TMEM131L: variants seen among roughly 807,000 people sequenced by gnomAD.
The protein encoded by TMEM131L is transmembrane protein 131-like.
TMEM131L carries 54 observed loss-of-function variants against 192.2 expected under a neutral mutation model. That is an observed-to-expected ratio of 0.28 (90% CI 0.23 to 0.35). The LOEUF (loss-of-function observed/expected upper bound fraction) is 0.35. Among genes scored for constraint, TMEM131L ranks in the 10% least tolerant of loss-of-function variants. TMEM131L has a pLI of 1.00. For synonymous variants in TMEM131L, 701 were observed against 704.9 expected (o/e 0.99, Z 0.09); for missense variants, 1,888 against 1,972.9 (o/e 0.96, Z 0.82).
At chr4:153,549,546 G>A (rs1737450830) in intron 3 of TMEM131L, among the ~76,000 whole-genome samples, 2 of 152,142 alleles carry the variant, frequency 1.3e-5, no homozygotes, top group Admixed American at 1.3e-4. Flanking sequence ...TGACTATGAA[G>A]GAAAATGAAA....
intron 13 of TMEM131L, 74 bp from the exon 14 acceptor site, chr4:153,586,126 GAATGTTAGC>G: frequency 9.9e-7 from 1 of 1,008,878 alleles, no homozygotes; most frequent in East Asian, 2.8e-5. Flanking sequence ...AAGTATAGAA[GAATGTTAGC>G]ATCATACTTT....
At chr4:153,475,833 G>A (rs2149757214) in intron 3 of TMEM131L, among the ~76,000 whole-genome samples, 2 of 152,260 alleles carry the variant, frequency 1.3e-5, no homozygotes, top group Non-Finnish European at 2.9e-5. Context: ...GATGTGCATA[G>A]GTTATATGCA....
At chr4:153,526,114 C>T (rs1580137004) in intron 3 of TMEM131L, among the ~76,000 whole-genome samples, 1 of 152,130 alleles carries the variant, frequency 6.6e-6, no homozygotes, top group Admixed American at 6.5e-5. Context: ...ACCTCGGTCT[C>T]CCAAAGTACT....
chr4:153,486,666 C>G (rs1049723984), intron 3 of TMEM131L, among the ~76,000 whole-genome samples: 3 of 152,178 alleles, frequency 2.0e-5, no homozygotes, highest in African/African-American at 7.2e-5. Context: ...CCTGAACATC[C>G]AAAGGCAGGT....
intron 3 of TMEM131L, among the ~76,000 whole-genome samples, chr4:153,474,532 A>G (rs1731390692): frequency 6.6e-6 from 1 of 152,206 alleles, no homozygotes; most frequent in Admixed American, 6.5e-5. Flanking sequence ...GTCCTTTAGA[A>G]GTCGCAGTAA....
At position 153,601,538 on chromosome 4, in the gene TMEM131L, A is replaced by C. The variant is rs142810724; in HGVS notation, c.2267-614A>C. On this transcript the variant is annotated intron_variant, in intron 21 of 34. Coordinates refer to ENST00000409959, the MANE Select transcript of TMEM131L (RefSeq NM_001131007.2). ...TGAGACCCTGTGTCTAAAACAAACA[A>C]ACACCTGTAGAACCAGATAAAATAT... Among the ~76,000 whole-genome samples, 381 of 152,332 alleles carry C rather than the reference A, an allele frequency of 2.5e-3. 2 individuals carry two copies. Among genetic ancestry groups the C allele is most frequent in the African/African-American group, 8.6e-3 (357 of 41,570 alleles).
At chr4:153,480,061 T>C (rs894697371) in intron 3 of TMEM131L, among the ~76,000 whole-genome samples, 1 of 152,026 alleles carries the variant, frequency 6.6e-6, no homozygotes, top group South Asian at 2.1e-4. Flanking sequence ...AAAAATAGGC[T>C]GGGCGCGGTG....
At chr4:153,486,950 G>A (rs1321564659) in intron 3 of TMEM131L, among the ~76,000 whole-genome samples, 1 of 152,226 alleles carries the variant, frequency 6.6e-6, no homozygotes, top group Admixed American at 6.5e-5. Flanking sequence ...AGCGAGAAAT[G>A]AGCGGTCTAG....
At chr4:153,540,036 G>A (rs528113664) in intron 3 of TMEM131L, among the ~76,000 whole-genome samples, 5 of 152,050 alleles carry the variant, frequency 3.3e-5, no homozygotes, top group Admixed American at 2.0e-4. Context: ...GCTTGAACCC[G>A]GGAGGCGGAG....
chr4:153,485,121 TAAAAAA>T (rs768830957), intron 3 of TMEM131L, among the ~76,000 whole-genome samples: 3 of 106,890 alleles, frequency 2.8e-5, no homozygotes, highest in Non-Finnish European at 5.7e-5. Context: ...TCTGTCTCAT[TAAAAAA>T]AAAAAAAAAA....
chr4:153,512,297 A>G (rs188659176), intron 3 of TMEM131L, among the ~76,000 whole-genome samples: 113 of 152,328 alleles, frequency 7.4e-4, no homozygotes, highest in Non-Finnish European at 1.2e-3. Flanking sequence ...AATGTGTGAA[A>G]GAGTCTATAG....
intron 3 of TMEM131L, among the ~76,000 whole-genome samples, chr4:153,524,855 C>G (rs1735362620): frequency 6.6e-6 from 1 of 152,140 alleles, no homozygotes. Context: ...TGCAGTGTCG[C>G]CATTGCTGTG....
intron 26 of TMEM131L, among the ~76,000 whole-genome samples, chr4:153,617,394 G>A (rs770999784): frequency 6.6e-6 from 1 of 152,220 alleles, no homozygotes; most frequent in Non-Finnish European, 1.5e-5. Context: ...TCCTATGTGT[G>A]CTGACAGATT....
intron 3 of TMEM131L, among the ~76,000 whole-genome samples, chr4:153,538,340 C>T (rs535274172): frequency 5.3e-5 from 8 of 152,260 alleles, no homozygotes; most frequent in African/African-American, 1.7e-4. Flanking sequence ...GGTCTAGTTA[C>T]GAAGCAGAAG....
intron 30 of TMEM131L, among the ~76,000 whole-genome samples, chr4:153,627,121 G>A (rs1733897332): frequency 6.6e-6 from 1 of 152,156 alleles, no homozygotes; most frequent in Non-Finnish European, 1.5e-5. Flanking sequence ...TAGTGCACAG[G>A]AAAGCTCTTC....
In TMEM131L at chr4:153,472,283, A is replaced by G. The variant is rs150031821; in HGVS notation, c.196-1562A>G. ...AACTATAGAGCCCAAGTTTTTAGCC[A>G]TTACGTATGTTGTGTGAGTTTCAGT... On this transcript the variant is annotated intron_variant, in intron 2 of 34. Transcript: ENST00000409959. Among the ~76,000 whole-genome samples the G allele has an allele frequency of 4.2e-3, 644 of 152,296 alleles. 7 individuals are homozygous for G. Among genetic ancestry groups the G allele is most frequent in the African/African-American group, 0.014 (591 of 41,560 alleles).
intron 26 of TMEM131L, among the ~76,000 whole-genome samples, chr4:153,616,544 C>T (rs552537269): frequency 2.8e-4 from 43 of 152,216 alleles, no homozygotes; most frequent in Admixed American, 1.2e-3. Context: ...GTTTGGAATC[C>T]GCAAACTAAA....
At chr4:153,549,854 A>G (rs1737472430) in intron 3 of TMEM131L, among the ~76,000 whole-genome samples, 1 of 152,238 alleles carries the variant, frequency 6.6e-6, no homozygotes, top group African/African-American at 2.4e-5. Context: ...AAAAATCTGT[A>G]CATTTGATAT....
In TMEM131L at chr4:153,604,336, G is replaced by A. The variant is rs1288468787; in HGVS notation, c.3324G>A (p.Leu1108=). 6.2e-7 allele frequency: 1 copy of A among 1,614,028 alleles called. No homozygotes were observed. The highest frequency in any genetic ancestry group is 8.5e-7 in the Non-Finnish European group (1 of 1,179,960). The part of the protein sequence containing the change: ...AEFKERELCP[L]KTSKKLPENH... The stretch of plus-strand genomic sequence containing the variant: ...TCAAGGAACGGGAGCTCTGTCCACT[G>A]AAGACCTCCAAGAAACTACCTGAAA... The change falls in exon 25 of 35, where the codon CTG becomes CTA. Residue 1108 remains leucine (L), a synonymous_variant. Coordinates refer to ENST00000409959, the MANE Select transcript of TMEM131L (RefSeq NM_001131007.2).
Sources: gnomAD v4.1 joint callset for allele counts (sites outside exome capture counted in the v4.1 genomes callset) on GRCh38, gnomAD v4.1.1 for gene constraint, MANE v1.5 for transcripts, NCBI Gene and HGNC (gene_info 2026-07-23, HGNC 2026-07-21) for gene names.